ARHGAP20: variants seen among roughly 807,000 people sequenced by gnomAD.
ARHGAP20 encodes the protein Rho GTPase activating protein 20.
ARHGAP20 carries 34 observed loss-of-function variants against 73.7 expected under a neutral mutation model. That is an observed-to-expected ratio of 0.46 (90% CI 0.35 to 0.61). The LOEUF (loss-of-function observed/expected upper bound fraction) is 0.61. Ranked by LOEUF, ARHGAP20 falls within the 20% of genes least tolerant of loss-of-function variation. The pLI, the probability that ARHGAP20 is intolerant of heterozygous loss-of-function variation, is 0.00. For synonymous variants in ARHGAP20, 523 were observed against 518.2 expected (o/e 1.01, Z -0.13); for missense variants, 1,314 against 1,420.9 (o/e 0.92, Z 1.21).
Position 110,614,653 on chromosome 11 carries a change from A to G in ARHGAP20, c.546-8T>C. Reference sequence around the variant, plus strand: ...TTCTCTAGATTGATGTATCTAATCAAATGCAACAGCAACCCAAAACAACAC... The same window carrying G: ...TTCTCTAGATTGATGTATCTAATCAGATGCAACAGCAACCCAAAACAACAC... On this transcript the variant is annotated splice_region_variant and splice_polypyrimidine_tract_variant and intron_variant, in intron 5 of 14. Coordinates refer to ENST00000683387, the MANE Select transcript of ARHGAP20 (RefSeq NM_001384657.1). 6.3e-7 allele frequency: 1 copy of G among 1,583,538 alleles called. No homozygotes were observed. Among genetic ancestry groups the G allele is most frequent in the Non-Finnish European group, 8.6e-7 (1 of 1,163,752 alleles).
intron 2 of ARHGAP20, among the ~76,000 whole-genome samples, chr11:110,675,485 G>A (rs1365309137): frequency 6.6e-6 from 1 of 152,176 alleles, no homozygotes; most frequent in Non-Finnish European, 1.5e-5. Flanking sequence ...TTCCATGGAT[G>A]GTGGGGAGTT....
Position 110,579,686 on chromosome 11 carries a change from T to C in ARHGAP20, c.3260A>G (p.Gln1087Arg). 6.2e-7 allele frequency: 1 copy of C among 1,614,208 alleles called. No homozygotes were observed. The highest frequency in any genetic ancestry group is 1.7e-5 in the Admixed American group (1 of 60,030). Residue 1087 changes from glutamine to arginine, a missense_variant, in exon 15 of 15, where the codon CAA (glutamine) becomes CGA (arginine). This residue lies in a region of ARHGAP20 where 641 missense variants were observed against 636.9 expected (regional missense o/e 1.01). Coordinates refer to ENST00000683387, the MANE Select transcript of ARHGAP20 (RefSeq NM_001384657.1). ...ASGVPEANSL[Q>R]EEQKDLPLRA... ...TAAGGGCAAGTCTTTTTGTTCCTCTTGCAGTGAGTTGGCTTCTGGAACACC... is the reference window on the plus strand; with the variant it reads ...TAAGGGCAAGTCTTTTTGTTCCTCTCGCAGTGAGTTGGCTTCTGGAACACC...
intron 1 of ARHGAP20, among the ~76,000 whole-genome samples, chr11:110,697,567 G>A (rs1475338821): frequency 6.6e-6 from 1 of 151,350 alleles, no homozygotes; most frequent in Non-Finnish European, 1.5e-5. Flanking sequence ...TGCAGACGCT[G>A]TTTAGTTTAA....
At chr11:110,712,780 C>G (rs184375934), upstream of ARHGAP20, 16 of 152,652 alleles carry the variant, frequency 1.0e-4, no homozygotes, top group Admixed American at 1.0e-3. Flanking sequence ...GCGCCGTGCC[C>G]GCGGCGGAAG....
Position 110,611,492 on chromosome 11 carries a change from A to T in ARHGAP20, c.631-106T>A, listed in dbSNP as rs1948366168. Reference sequence around the variant, plus strand: ...ATCGAAAGGCAAATATTGATTTCAAATGTGGACAAAGTCAAGCATAAGATT... The same window carrying T: ...ATCGAAAGGCAAATATTGATTTCAATTGTGGACAAAGTCAAGCATAAGATT... On this transcript the variant is annotated intron_variant, in intron 6 of 14. Transcript: ENST00000683387. 1.3e-5 allele frequency: 7 copies of T among 558,588 alleles called. No homozygotes were observed. In the East Asian group the frequency reaches 2.4e-4, roughly 19 times the overall value. The allele number at this position is 558,588 out of a possible 1,614,324, so 34.6% of individuals were successfully genotyped here.
intron 1 of ARHGAP20, among the ~76,000 whole-genome samples, chr11:110,709,165 A>G (rs1233190793): frequency 2.0e-5 from 3 of 152,176 alleles, no homozygotes; most frequent in African/African-American, 7.2e-5. Flanking sequence ...CTTTAGCACT[A>G]TAATGGCAGA....
chr11:110,699,455 T>C (rs1284600820), intron 1 of ARHGAP20, among the ~76,000 whole-genome samples: 1 of 151,960 alleles, frequency 6.6e-6, no homozygotes, highest in Admixed American at 6.6e-5. Context: ...AGAGTTTCTT[T>C]GTTGATTTTC....
chr11:110,639,302 C>T (rs1949033266), intron 2 of ARHGAP20, among the ~76,000 whole-genome samples: 1 of 151,096 alleles, frequency 6.6e-6, no homozygotes, highest in Non-Finnish European at 1.5e-5. Context: ...CACATTCCCT[C>T]TCTGTTACTT....
chr11:110,710,746 G>C (rs1950633765), intron 1 of ARHGAP20, among the ~76,000 whole-genome samples: 1 of 152,142 alleles, frequency 6.6e-6, no homozygotes, highest in Admixed American at 6.5e-5. Context: ...CACGGTCAAG[G>C]TCCTTGGGAA....
intron 2 of ARHGAP20, among the ~76,000 whole-genome samples, chr11:110,686,296 T>G (rs912901708): frequency 1.3e-5 from 2 of 151,682 alleles, no homozygotes; most frequent in African/African-American, 2.4e-5. Context: ...CTCCAAGTTT[T>G]AAAAAAAACT....
chr11:110,709,126 C>A (rs1415483150), intron 1 of ARHGAP20, among the ~76,000 whole-genome samples: 8 of 152,118 alleles, frequency 5.3e-5, no homozygotes, highest in Non-Finnish European at 5.9e-5. Flanking sequence ...CACAGCTATG[C>A]CCATTCATTT....
chr11:110,621,561 T>G (rs923225334), intron 4 of ARHGAP20, among the ~76,000 whole-genome samples: 14 of 152,268 alleles, frequency 9.2e-5, no homozygotes, highest in Middle Eastern at 3.4e-3. Context: ...GAAAATATTT[T>G]ATTTAAAATA....
At chr11:110,602,953 T>A (rs1948143864) in intron 9 of ARHGAP20, among the ~76,000 whole-genome samples, 1 of 152,228 alleles carries the variant, frequency 6.6e-6, no homozygotes, top group African/African-American at 2.4e-5. Context: ...CTGTGTTATA[T>A]TTCATGGTAG....
intron 9 of ARHGAP20, among the ~76,000 whole-genome samples, chr11:110,598,194 G>A (rs1948019988): frequency 6.9e-6 from 1 of 144,414 alleles, no homozygotes. Flanking sequence ...TTCCCCTAGA[G>A]TAAAAAACAC....
At position 110,578,828 on chromosome 11, in the gene ARHGAP20, G is replaced by GTC. The variant is rs1383693110; in HGVS notation, c.*541_*542insGA. On this transcript the variant is annotated 3_prime_UTR_variant, in exon 15 of 15. Transcript: ENST00000683387. The stretch of plus-strand genomic sequence containing the variant: ...ATGATTCTGTAAGGACACGTGATTA[G>GTC]TAAGATCCCACAAAAATGGCCACTG... The GTC allele has an allele frequency of 6.2e-5, 61 of 985,830 alleles. No individual in the cohort carries two copies. Among genetic ancestry groups the GTC allele is most frequent in the Non-Finnish European group, 7.1e-5 (59 of 830,042 alleles). The allele number at this position is 985,830 out of a possible 1,614,324, so 61.1% of individuals were successfully genotyped here. A position where few individuals can be genotyped will look rare whatever the true frequency, so the allele number is the denominator to read the frequency against.
At chr11:110,614,310 G>A (rs532477041) in intron 6 of ARHGAP20, among the ~76,000 whole-genome samples, 3 of 152,276 alleles carry the variant, frequency 2.0e-5, no homozygotes, top group South Asian at 2.1e-4. Flanking sequence ...CTTTCCAAGC[G>A]TAAAAGTTTA....
intron 1 of ARHGAP20, among the ~76,000 whole-genome samples, chr11:110,700,930 T>C (rs1169875473): frequency 2.0e-5 from 3 of 151,652 alleles, no homozygotes; most frequent in Non-Finnish European, 4.4e-5. Context: ...CATCATTTTT[T>C]ATGGCTGCAT....
Position 110,578,702 on chromosome 11 carries a change from A to G in ARHGAP20, c.*668T>C, listed in dbSNP as rs78211669. The G allele has an allele frequency of 6.5e-3, 6,452 of 985,378 alleles. 218 individuals are homozygous for G. In the African/African-American group the frequency reaches 0.084, roughly 13 times the overall value. 61.0% of individuals were successfully genotyped at this position (985,378 alleles called of 1,614,324 possible). A position where few individuals can be genotyped will look rare whatever the true frequency, so the allele number is the denominator to read the frequency against. On this transcript the variant is annotated 3_prime_UTR_variant, in exon 15 of 15. Coordinates refer to ENST00000683387, the MANE Select transcript of ARHGAP20 (RefSeq NM_001384657.1). Reference sequence around the variant, plus strand: ...CACTTCAACATGAATGAAAAAACAAACCGACAAATACAACCAACAAAACTG... The same window carrying G: ...CACTTCAACATGAATGAAAAAACAAGCCGACAAATACAACCAACAAAACTG...
At chr11:110,699,748 C>A (rs1307738779) in intron 1 of ARHGAP20, among the ~76,000 whole-genome samples, 3 of 151,886 alleles carry the variant, frequency 2.0e-5, no homozygotes, top group Admixed American at 1.3e-4. Flanking sequence ...CATGACATAT[C>A]TTTTCTTACC....
Sources: allele counts gnomAD v4.1 joint callset (sites outside exome capture counted in the v4.1 genomes callset), GRCh38; gene constraint gnomAD v4.1.1; regional missense constraint gnomAD v4.1.1; transcripts MANE v1.5; gene names NCBI Gene and HGNC (gene_info 2026-07-23, HGNC 2026-07-21).